INHBB: variants seen among roughly 807,000 people sequenced by gnomAD.
INHBB encodes inhibin subunit beta B.
INHBB carries 8 observed loss-of-function variants against 28.9 expected under a neutral mutation model. The ratio of observed to expected loss-of-function variants is 0.28; its 90% CI spans 0.16 to 0.50. The LOEUF (loss-of-function observed/expected upper bound fraction) is 0.50. Among genes scored for constraint, INHBB ranks in the 20% least tolerant of loss-of-function variants. INHBB has a pLI of 0.98. For missense variants in INHBB, 499 were observed against 597.8 expected (o/e 0.83, Z 1.72); for synonymous variants, 293 against 262.7 (o/e 1.12, Z -1.12).
chr2:120,349,492 G>T lies in INHBB; in HGVS notation c.842G>T (p.Arg281Leu). Reference sequence around the variant, plus strand: ...CGGCCCTTTGTGGTGGTGCAGGCTCGGCTGGGCGACAGCAGGCACCGCATT... The same window carrying T: ...CGGCCCTTTGTGGTGGTGCAGGCTCTGCTGGGCGACAGCAGGCACCGCATT... ...SHRPFVVVQA[R>L]LGDSRHRIRK... Residue 281 changes from arginine (R) to leucine (L), a missense_variant, in exon 2 of 2, where the codon CGG becomes CTG. Transcript: ENST00000295228. This position sits in a 1 kb window ranked among gnomAD's most constrained non-coding sequence, Gnocchi z 5.6. 6.2e-7 allele frequency: 1 copy of T among 1,613,438 alleles called. No individual in the cohort carries two copies. The highest frequency in any genetic ancestry group is 8.5e-7 in the Non-Finnish European group (1 of 1,179,962).
Position 120,346,327 on chromosome 2 carries a change from TC to T in INHBB, c.143del (p.Pro48ArgfsTer31). 3 of 1,385,462 alleles carry T rather than the reference TC, an allele frequency of 2.2e-6. No individual in the cohort carries two copies. Among genetic ancestry groups the T allele is most frequent in the South Asian group, 1.6e-5 (1 of 60,632 alleles). 85.8% of individuals were successfully genotyped at this position (1,385,462 alleles called of 1,614,324 possible). On this transcript the variant is annotated frameshift_variant, in exon 1 of 2. Transcript: ENST00000295228. LOFTEE classifies it high-confidence loss of function. The stretch of plus-strand genomic sequence containing the variant: ...GCCGCCGCCACCCCCGCCACCCGGA[TC>T]CCCGGGTGGCTCGCAGGACACCTGT... ...AAPPPPPPPG[S>X]PGGSQDTCTS...
Position 120,350,290 on chromosome 2 carries a change from A to C in INHBB, c.*416A>C. ...AATTGCGCCTTCCGAGCACACATAA[A>C]AGCACAAAGACAGAGACGCAGAGAG... On this transcript the variant is annotated 3_prime_UTR_variant, in exon 2 of 2. Transcript: ENST00000295228. The C allele has an allele frequency of 4.9e-6, 1 of 204,384 alleles. No homozygotes were observed. The highest frequency in any genetic ancestry group is 1.0e-5 in the Non-Finnish European group (1 of 99,806). The allele number at this position is 204,384 out of a possible 1,614,324, so 12.7% of individuals were successfully genotyped here. A position where few individuals can be genotyped will look rare whatever the true frequency, so the allele number is the denominator to read the frequency against.
rs532353651 is a variant in INHBB, at chr2:120,347,405, C to G, written c.448+769C>G. ...TCCTTTCTGGAATCCGCCCCCCCCC[C>G]CGGCCCCAGATTGCAAATCTCTAAC... is the stretch of plus-strand genomic sequence containing the variant. On this transcript the variant is annotated intron_variant, in intron 1 of 1. Coordinates refer to ENST00000295228, the MANE Select transcript of INHBB (RefSeq NM_002193.4). Among the ~76,000 whole-genome samples, 20 of 151,322 alleles carry G rather than the reference C, an allele frequency of 1.3e-4. No individual in the cohort carries two copies. The South Asian group carries it at 4.2e-3, about 32-fold the overall frequency.
rs1399550385 is a variant in INHBB, at chr2:120,351,224, G to A, written c.*1350G>A. The A allele has an allele frequency of 1.3e-5, 2 of 152,584 alleles. No individual in the cohort carries two copies. The highest frequency in any genetic ancestry group is 2.4e-5 in the African/African-American group (1 of 41,440). 9.5% of individuals were successfully genotyped at this position (152,584 alleles called of 1,614,324 possible). ...GCCACGTGAACTATGCAATTTAAAG[G>A]GTTGACCCACACTAGACGAAACTGG... On this transcript the variant is annotated 3_prime_UTR_variant, in exon 2 of 2. Coordinates refer to ENST00000295228, the MANE Select transcript of INHBB (RefSeq NM_002193.4).
intron 1 of INHBB, among the ~76,000 whole-genome samples, chr2:120,348,241 AAAAG>A (rs1199855071): frequency 6.6e-6 from 1 of 151,662 alleles, no homozygotes; most frequent in Non-Finnish European, 1.5e-5. Context: ...AAAAAAAAAA[AAAAG>A]GAAAGAAAAA....
Position 120,349,476 on chromosome 2 carries a change from G to A in INHBB, c.826G>A (p.Val276Met), listed in dbSNP as rs569598198. Reference sequence around the variant, plus strand: ...AGGCGAAGAGTCGCACCGGCCCTTTGTGGTGGTGCAGGCTCGGCTGGGCGA... The same window carrying A: ...AGGCGAAGAGTCGCACCGGCCCTTTATGGTGGTGCAGGCTCGGCTGGGCGA... ...DPGEESHRPF[V>M]VVQARLGDSR... is the part of the protein sequence containing the mutation. Residue 276 changes from valine to methionine, a missense_variant, in exon 2 of 2, where the codon GTG (valine) becomes ATG (methionine). Around this residue, in one of 2 missense-constraint regions of INHBB, gnomAD observed 385 missense variants for 415.2 expected, o/e 0.93. Coordinates refer to ENST00000295228, the MANE Select transcript of INHBB (RefSeq NM_002193.4). The surrounding 1 kb of genome is among the most constrained non-coding windows in gnomAD (Gnocchi z 5.6). 6.8e-6 allele frequency: 11 copies of A among 1,613,746 alleles called. No homozygotes were observed. The African/African-American group carries it at 1.3e-4, about 20-fold the overall frequency.
chr2:120,348,999 G>GGCGAGTTGCATTCCAGCATCCT, intron 1 of INHBB, 100 bp from the exon 2 acceptor site: 1 of 1,350,586 alleles, frequency 7.4e-7, no homozygotes, highest in Non-Finnish European at 1.0e-6. Context: ...CCAGCTGTGT[G>GGCGAGTTGCATTCCAGCATCCT]GCGAGTTGCA....
chr2:120,346,453 C>T lies in INHBB; in HGVS notation c.265C>T (p.Arg89Trp). 2 of 1,556,132 alleles carry T rather than the reference C, an allele frequency of 1.3e-6. No homozygotes were observed. Among genetic ancestry groups the T allele is most frequent in the Non-Finnish European group, 8.6e-7 (1 of 1,159,322 alleles). ...KRHILSRLQM[R>W]GRPNITHAVP... ...GCACATCTTGAGCCGCCTGCAGATG[C>T]GGGGCCGGCCCAACATCACGCACGC... The change falls in exon 1 of 2, where the codon CGG becomes TGG. Residue 89 changes from arginine (R) to tryptophan (W), a missense_variant. Arg to Trp is a moderately radical substitution (Grantham distance 101, BLOSUM62 -3). Around this residue, in one of 2 missense-constraint regions of INHBB, gnomAD observed 385 missense variants for 415.2 expected, o/e 0.93. Transcript: ENST00000295228.
chr2:120,346,269 G>A lies in INHBB; in HGVS notation c.81G>A (p.Trp27Ter). 2 of 1,351,362 alleles carry A rather than the reference G, an allele frequency of 1.5e-6. No individual in the cohort carries two copies. Among genetic ancestry groups the A allele is most frequent in the Non-Finnish European group, 1.9e-6 (2 of 1,059,482 alleles). The allele number at this position is 1,351,362 out of a possible 1,614,324, so 83.7% of individuals were successfully genotyped here. ...LAAGWLGPEA[W>*]GSPTPPPTPA... ...CCGGCTGGCTGGGGCCTGAGGCCTG[G>A]GGCTCACCCACGCCCCCGCCGACGC... Residue 27 changes from tryptophan to a stop codon, truncating the protein, a stop_gained, in exon 1 of 2, where the codon TGG becomes TGA. Transcript: ENST00000295228. LOFTEE classifies it high-confidence loss of function.
chr2:120,348,933 A>G (rs1264427949), intron 1 of INHBB, among the ~76,000 whole-genome samples, 166 bp from the exon 2 acceptor site: 2 of 152,172 alleles, frequency 1.3e-5, no homozygotes. Context: ...TGCCTCTCCC[A>G]GGTTACAGTC....
In INHBB at chr2:120,346,262, A is replaced by T; in HGVS notation, c.74A>T (p.Glu25Val). 7.8e-7 allele frequency: 1 copy of T among 1,283,866 alleles called. No individual in the cohort carries two copies. The highest frequency in any genetic ancestry group is 9.8e-7 in the Non-Finnish European group (1 of 1,017,506). 79.5% of individuals were successfully genotyped at this position (1,283,866 alleles called of 1,614,324 possible). ...CTGGCGGCCGGCTGGCTGGGGCCTG[A>T]GGCCTGGGGCTCACCCACGCCCCCG... The part of the protein sequence containing the change: ...LLLAAGWLGP[E>V]AWGSPTPPPT... The change falls in exon 1 of 2, where the codon GAG becomes GTG. Residue 25 changes from glutamate (E) to valine (V), a missense_variant. Physicochemically the swap from Glu to Val is moderately radical, Grantham distance 121 (BLOSUM62 -2). Around this residue, in one of 2 missense-constraint regions of INHBB, gnomAD observed 385 missense variants for 415.2 expected, o/e 0.93. Transcript: ENST00000295228.
intron 1 of INHBB, among the ~76,000 whole-genome samples, chr2:120,348,301 G>A (rs1240435757): frequency 6.6e-6 from 1 of 151,788 alleles, no homozygotes; most frequent in Non-Finnish European, 1.5e-5. Flanking sequence ...GGATGAGAGG[G>A]GAGTCATCTC....
Position 120,350,301 on chromosome 2 carries a change from CAG to C in INHBB, c.*431_*432del, listed in dbSNP as rs775884903. The C allele has an allele frequency of 1.9e-4, 36 of 191,834 alleles. No individual in the cohort carries two copies. Among genetic ancestry groups the C allele is most frequent in the Non-Finnish European group, 3.4e-4 (31 of 92,290 alleles). The allele number at this position is 191,834 out of a possible 1,614,324, so 11.9% of individuals were successfully genotyped here. ...CCGAGCACACATAAAAGCACAAAGACAGAGACGCAGAGAGAGAGAGAGAGCCA... is the reference window on the plus strand; with the variant it reads ...CCGAGCACACATAAAAGCACAAAGACAGACGCAGAGAGAGAGAGAGAGCCA... On this transcript the variant is annotated 3_prime_UTR_variant, in exon 2 of 2. Transcript: ENST00000295228.
At position 120,346,482 on chromosome 2, in the gene INHBB, G is replaced by A. The variant is rs1260325702; in HGVS notation, c.294G>A (p.Val98=). 1 of 1,556,822 alleles carries A rather than the reference G, an allele frequency of 6.4e-7. No homozygotes were observed. The part of the protein sequence containing the change: ...MRGRPNITHA[V]PKAAMVTALR... ...GCCGGCCCAACATCACGCACGCCGT[G>A]CCTAAGGCCGCCATGGTCACGGCCC... The change falls in exon 1 of 2, where the codon GTG becomes GTA. Residue 98 remains valine, a synonymous_variant. Coordinates refer to ENST00000295228, the MANE Select transcript of INHBB (RefSeq NM_002193.4).
rs779389602 is a variant in INHBB at position 120,350,016 on chromosome 2, T to G, written c.*142T>G. 8.7e-5 allele frequency: 70 copies of G among 805,884 alleles called. No homozygotes were observed. Among genetic ancestry groups the G allele is most frequent in the Admixed American group, 1.2e-4 (4 of 33,650 alleles). 49.9% of individuals were successfully genotyped at this position (805,884 alleles called of 1,614,324 possible). A position where few individuals can be genotyped will look rare whatever the true frequency, so the allele number is the denominator to read the frequency against. On this transcript the variant is annotated 3_prime_UTR_variant, in exon 2 of 2. Coordinates refer to ENST00000295228, the MANE Select transcript of INHBB (RefSeq NM_002193.4). The stretch of plus-strand genomic sequence containing the variant: ...GTGGAGATAGTGCCAGGGTGCGGCC[T>G]GAGATATTTTTCTACAGCTTCATAG...
Position 120,349,053 on chromosome 2 carries a change from G to C in INHBB, c.449-46G>C. 1 of 1,552,172 alleles carries C rather than the reference G, an allele frequency of 6.4e-7. No individual in the cohort carries two copies. The highest frequency in any genetic ancestry group is 8.7e-7 in the Non-Finnish European group (1 of 1,146,802). On this transcript the variant is annotated intron_variant, in intron 1 of 1. Transcript: ENST00000295228. This position sits in a 1 kb window ranked among gnomAD's most constrained non-coding sequence, Gnocchi z 5.6. ...GAGAGTGTGTTTCCCCCATTGCCTT[G>C]TGTTCTCCTTGAATTAACTTGGCTC...
rs752724913 is a variant in INHBB, at chr2:120,349,691, C to G, written c.1041C>G (p.Ala347=). The change falls in exon 2 of 2, where the codon GCC becomes GCG. Residue 347 remains alanine, a synonymous_variant. Coordinates refer to ENST00000295228, the MANE Select transcript of INHBB (RefSeq NM_002193.4). This position sits in a 1 kb window ranked among gnomAD's most constrained non-coding sequence, Gnocchi z 5.6. ...PAYLAGVPGS[A]SSFHTAVVNQ... ...ACCTGGCAGGGGTCCCCGGCTCTGC[C>G]TCCTCCTTCCACACGGCTGTGGTGA... is the stretch of plus-strand genomic sequence containing the variant. 1.2e-6 allele frequency: 2 copies of G among 1,613,856 alleles called. No homozygotes were observed. Among genetic ancestry groups the G allele is most frequent in the Admixed American group, 1.7e-5 (1 of 60,036 alleles).
intron 1 of INHBB, 59 bp downstream of exon 1, chr2:120,346,695 C>T: frequency 1.5e-6 from 2 of 1,357,404 alleles, no homozygotes; most frequent in Non-Finnish European, 9.5e-7. Context: ...TCTCCCTCTC[C>T]TTGCTAGCTC....
rs1483572225 is a variant in INHBB, at chr2:120,351,638, A to T, written c.*1764A>T. The T allele has an allele frequency of 2.6e-5, 4 of 152,254 alleles. No individual in the cohort carries two copies. Among genetic ancestry groups the T allele is most frequent in the African/African-American group, 9.6e-5 (4 of 41,460 alleles). The allele number at this position is 152,254 out of a possible 1,614,324, so 9.4% of individuals were successfully genotyped here. ...AAGGTAGAGTAAAAATGACTATGAT[A>T]GAATGCAGGTGTGTATCCTTAAATC... On this transcript the variant is annotated 3_prime_UTR_variant, in exon 2 of 2. Coordinates refer to ENST00000295228, the MANE Select transcript of INHBB (RefSeq NM_002193.4).
Sources: gnomAD v4.1 joint callset for allele counts (sites outside exome capture counted in the v4.1 genomes callset) on GRCh38, gnomAD v4.1.1 for gene constraint, gnomAD v4.1.1 regional missense constraint, Gnocchi (gnomAD v3.1) non-coding constraint, MANE v1.5 for transcripts, NCBI Gene and HGNC (gene_info 2026-07-23, HGNC 2026-07-21) for gene names.